The following TNPO1 variants were observed in gnomAD, a reference collection of about 807,000 sequenced individuals.
The protein encoded by TNPO1 is transportin-1.
Under a neutral mutation model 119.5 loss-of-function variants are expected in TNPO1, and 8 were observed. The observed-to-expected ratio is 0.07, with a 90% CI of 0.04 to 0.12. The LOEUF (loss-of-function observed/expected upper bound fraction) is 0.12, where lower values mean the gene tolerates loss of function less well. Among genes scored for constraint, TNPO1 ranks in the 10% least tolerant of loss-of-function variants. The pLI is 1.00. For synonymous variants in TNPO1, 362 were observed against 363.0 expected (o/e 1.00, Z 0.03); for missense variants, 576 against 1,089.8 (o/e 0.53, Z 6.64).
rs1420771561 is a variant in TNPO1 at position 72,911,566 on chromosome 5, A to G, written c.*2893A>G. 6.6e-6 allele frequency: 1 copy of G among 152,574 alleles called. No individual in the cohort carries two copies. Among genetic ancestry groups the G allele is most frequent in the East Asian group, 1.9e-4 (1 of 5,200 alleles). The allele number at this position is 152,574 out of a possible 1,614,324, so 9.5% of individuals were successfully genotyped here. A position where few individuals can be genotyped will look rare whatever the true frequency, so the allele number is the denominator to read the frequency against. On this transcript the variant is annotated 3_prime_UTR_variant, in exon 25 of 25. Coordinates refer to ENST00000337273, the MANE Select transcript of TNPO1 (RefSeq NM_002270.4). ...GATAAAATCTAATACATCATGGGAT[A>G]TATATAAAGCAACTTAATTCTTGTG...
chr5:72,824,015 A>G (rs1439314989), intron 1 of TNPO1, among the ~76,000 whole-genome samples: 3 of 152,184 alleles, frequency 2.0e-5, no homozygotes, highest in African/African-American at 4.8e-5. Context: ...CAGAACTTCC[A>G]TAGATTGCCA....
intron 4 of TNPO1, among the ~76,000 whole-genome samples, chr5:72,860,269 A>G (rs944242323): frequency 6.6e-6 from 1 of 152,188 alleles, no homozygotes; most frequent in East Asian, 1.9e-4. Context: ...AAATAACCCT[A>G]TGAAGAGTTT....
chr5:72,881,015 A>G (rs1053779490), intron 9 of TNPO1, among the ~76,000 whole-genome samples: 1 of 151,830 alleles, frequency 6.6e-6, no homozygotes, highest in South Asian at 2.1e-4. Flanking sequence ...GCCCAGCTTT[A>G]CCAGCCAGTC....
chr5:72,887,782 G>A (rs1198367205), intron 12 of TNPO1, among the ~76,000 whole-genome samples: 2 of 152,158 alleles, frequency 1.3e-5, no homozygotes, highest in Non-Finnish European at 2.9e-5. Context: ...TGATTCTTTA[G>A]GTAAGTATAG....
chr5:72,890,221 T>TA (rs572601116), intron 14 of TNPO1, among the ~76,000 whole-genome samples: 7 of 152,318 alleles, frequency 4.6e-5, no homozygotes, highest in Middle Eastern at 3.4e-3. Context: ...AGCAAAGGGA[T>TA]AAAAAAGTTT....
chr5:72,849,253 G>T (rs992757444), intron 2 of TNPO1, among the ~76,000 whole-genome samples: 19 of 152,162 alleles, frequency 1.2e-4, no homozygotes, highest in African/African-American at 4.3e-4. Flanking sequence ...TTAGAGACAG[G>T]AAAGGTTAAG....
chr5:72,872,343 A>AT (rs979940112), intron 6 of TNPO1, among the ~76,000 whole-genome samples: 13 of 152,112 alleles, frequency 8.5e-5, no homozygotes, highest in African/African-American at 3.1e-4. Flanking sequence ...AAAAAAAAAA[A>AT]TTTTGCCCCT....
At chr5:72,860,339 T>C (rs1481470773) in intron 4 of TNPO1, among the ~76,000 whole-genome samples, 1 of 152,226 alleles carries the variant, frequency 6.6e-6, no homozygotes, top group Non-Finnish European at 1.5e-5. Flanking sequence ...ATTTGCCTAT[T>C]GTCAGAGCTT....
chr5:72,865,461 A>G, intron 5 of TNPO1, 135 bp from the exon 6 acceptor site: 1 of 1,012,262 alleles, frequency 9.9e-7, no homozygotes. Flanking sequence ...TTGAAGGATT[A>G]AATTTATGGA....
intron 2 of TNPO1, among the ~76,000 whole-genome samples, chr5:72,849,848 G>A (rs995461973): frequency 6.6e-6 from 1 of 152,274 alleles, no homozygotes. Flanking sequence ...ATTAATTGCA[G>A]GTATTATATG....
At position 72,906,783 on chromosome 5, in the gene TNPO1, A is replaced by G. The variant is rs2112512201; in HGVS notation, c.*35+1338A>G. 1.3e-5 allele frequency among the ~76,000 whole-genome samples: 2 copies of G among 152,290 alleles called. 1 individual carries two copies. Among genetic ancestry groups the G allele is most frequent in the East Asian group, 3.9e-4 (2 of 5,172 alleles). ...TATACTGTATGTGATGCCAGAACTT[A>G]GTATGTTGCCTGGCACACTAAGTTG... On this transcript the variant is annotated intron_variant, in intron 24 of 24. Coordinates refer to ENST00000337273, the MANE Select transcript of TNPO1 (RefSeq NM_002270.4).
rs1173506230 is a variant in TNPO1, at chr5:72,909,854, A to G, written c.*1181A>G. 8 of 152,598 alleles carry G rather than the reference A, an allele frequency of 5.2e-5. No homozygotes were observed. Among genetic ancestry groups the G allele is most frequent in the South Asian group, 2.1e-4 (1 of 4,828 alleles). 9.5% of individuals were successfully genotyped at this position (152,598 alleles called of 1,614,324 possible). A position where few individuals can be genotyped will look rare whatever the true frequency, so the allele number is the denominator to read the frequency against. On this transcript the variant is annotated 3_prime_UTR_variant, in exon 25 of 25. Coordinates refer to ENST00000337273, the MANE Select transcript of TNPO1 (RefSeq NM_002270.4). ...CCTGCACAATGTGGAAAGCTGATAT[A>G]CCTGTGCAAAATCTTTGCCTCTGTG... is the stretch of plus-strand genomic sequence containing the variant.
At chr5:72,879,472 C>G (rs1411133131) in intron 9 of TNPO1, among the ~76,000 whole-genome samples, 2 of 152,180 alleles carry the variant, frequency 1.3e-5, no homozygotes, top group Non-Finnish European at 2.9e-5. Flanking sequence ...TTTTGCTGTG[C>G]TAATTAGTGC....
chr5:72,819,180 G>C (rs952601600), intron 1 of TNPO1, among the ~76,000 whole-genome samples: 12 of 152,134 alleles, frequency 7.9e-5, no homozygotes, highest in Non-Finnish European at 1.8e-4. Flanking sequence ...TGCTAGAGAA[G>C]GTCAAAGGGG....
chr5:72,822,820 T>G (rs796286811), intron 1 of TNPO1, among the ~76,000 whole-genome samples: 5 of 151,998 alleles, frequency 3.3e-5, no homozygotes, highest in African/African-American at 9.6e-5. Flanking sequence ...CTCCAACTTC[T>G]GACCTCAGGC....
intron 1 of TNPO1, chr5:72,847,966 A>T (rs1745210064): frequency 1.4e-6 from 1 of 702,132 alleles, no homozygotes; most frequent in Non-Finnish European, 1.8e-6. Context: ...GGTGTTTCGC[A>T]GGGGTTTTGA....
At position 72,895,611 on chromosome 5, in the gene TNPO1, C is replaced by T. The variant is rs116661884; in HGVS notation, c.2144-847C>T. 4.6e-3 allele frequency among the ~76,000 whole-genome samples: 705 copies of T among 152,042 alleles called. 3 individuals carry two copies. Among genetic ancestry groups the T allele is most frequent in the African/African-American group, 0.016 (671 of 41,470 alleles). ...GTCAATATTGCTGAGATCAAGAAACCCTGGCTTACATCTCCTGATTTATTA... is the reference window on the plus strand; with the variant it reads ...GTCAATATTGCTGAGATCAAGAAACTCTGGCTTACATCTCCTGATTTATTA... On this transcript the variant is annotated intron_variant, in intron 18 of 24. Coordinates refer to ENST00000337273, the MANE Select transcript of TNPO1 (RefSeq NM_002270.4).
intron 1 of TNPO1, 115 bp from the exon 2 acceptor site, chr5:72,848,270 G>C: frequency 3.0e-6 from 4 of 1,327,558 alleles, no homozygotes; most frequent in Non-Finnish European, 3.9e-6. Flanking sequence ...CGTTTGGGGA[G>C]CGCTGGGGTT....
At chr5:72,876,816 C>T (rs773104488) in intron 8 of TNPO1, among the ~76,000 whole-genome samples, 29 of 151,926 alleles carry the variant, frequency 1.9e-4, no homozygotes, top group Non-Finnish European at 3.5e-4. Context: ...AAATTCTGGC[C>T]GGGTGCGGTG....
Sources: gnomAD v4.1 joint callset for allele counts (sites outside exome capture counted in the v4.1 genomes callset) on GRCh38, gnomAD v4.1.1 for gene constraint, MANE v1.5 for transcripts, NCBI Gene and HGNC (gene_info 2026-07-23, HGNC 2026-07-21) for gene names.